The following TSPAN15 variants were observed in gnomAD, a reference collection of about 807,000 sequenced individuals.
TSPAN15 encodes the protein tetraspanin 15, also known as tetraspanin-15.
In TSPAN15, 20 loss-of-function variants were observed where a neutral mutation model predicts 34.5. That is an observed-to-expected ratio of 0.58 (90% CI 0.41 to 0.84). The LOEUF is 0.84. TSPAN15 is among the 40% of genes least tolerant of loss of function. The probability of loss-of-function intolerance (pLI) is 0.00; values close to 1 mark genes in which losing one functional copy is unlikely to be tolerated. For synonymous variants in TSPAN15, 155 were observed against 153.9 expected (o/e 1.01, Z -0.05); for missense variants, 313 against 386.1 (o/e 0.81, Z 1.59).
At chr10:69,451,748 C>T (rs1840973407) in intron 1 of TSPAN15, 58 bp downstream of exon 1, 1 of 1,339,266 alleles carries the variant, frequency 7.5e-7, no homozygotes, top group Non-Finnish European at 9.8e-7. Context: ...CCGGCCGCCC[C>T]CTCACTGGCC....
intron 1 of TSPAN15, among the ~76,000 whole-genome samples, chr10:69,459,930 C>G (rs75077529): frequency 6.2e-5 from 9 of 144,200 alleles, no homozygotes; most frequent in East Asian, 4.1e-4. Flanking sequence ...ACCCCCCCCC[C>G]ACGAATGGAG....
At chr10:69,458,864 C>T (rs776611126) in intron 1 of TSPAN15, among the ~76,000 whole-genome samples, 12 of 152,244 alleles carry the variant, frequency 7.9e-5, no homozygotes, top group South Asian at 2.1e-4. Context: ...TGCTTTATGT[C>T]GTAGGACTGG....
intron 1 of TSPAN15, among the ~76,000 whole-genome samples, chr10:69,464,173 C>T (rs1041649369): frequency 1.1e-4 from 17 of 152,388 alleles, no homozygotes; most frequent in African/African-American, 4.1e-4. Context: ...CACCAGACAC[C>T]TTGGCCTCTG....
the TSPAN15 span, among the ~76,000 whole-genome samples, chr10:69,532,498 C>A: frequency 1.3e-5 from 2 of 152,168 alleles, no homozygotes; most frequent in Non-Finnish European, 2.9e-5. Context: ...TGAAACTCGA[C>A]CTTCATCTCT....
At chr10:69,542,051 A>C in the TSPAN15 span, among the ~76,000 whole-genome samples, 1 of 152,176 alleles carries the variant, frequency 6.6e-6, no homozygotes, top group African/African-American at 2.4e-5. Context: ...GCCAGGGTGC[A>C]AATTTTCTAA....
chr10:69,455,168 AG>A (rs1297808782), intron 1 of TSPAN15, among the ~76,000 whole-genome samples: 2 of 150,658 alleles, frequency 1.3e-5, no homozygotes, highest in Admixed American at 6.6e-5. Context: ...AAAAAAAAAA[AG>A]GAAAGGGTAG....
intron 3 of TSPAN15, among the ~76,000 whole-genome samples, chr10:69,486,833 T>C (rs1241345826): frequency 6.6e-6 from 1 of 152,246 alleles, no homozygotes; most frequent in Non-Finnish European, 1.5e-5. Context: ...GAGGTCTTCC[T>C]GTTTTATGAG....
chr10:69,504,696 T>C (rs543847316), intron 6 of TSPAN15, among the ~76,000 whole-genome samples: 1 of 152,294 alleles, frequency 6.6e-6, no homozygotes, highest in East Asian at 1.9e-4. Context: ...AGATGCCGCC[T>C]GTCAGGGTTT....
chr10:69,472,922 C>T (rs139381711), intron 1 of TSPAN15, among the ~76,000 whole-genome samples: 132 of 152,304 alleles, frequency 8.7e-4, no homozygotes, highest in African/African-American at 3.1e-3. Flanking sequence ...TTGCATAGTA[C>T]GTGCAGACTG....
chr10:69,465,346 C>T (rs1252215907), intron 1 of TSPAN15, among the ~76,000 whole-genome samples: 1 of 152,206 alleles, frequency 6.6e-6, no homozygotes, highest in Non-Finnish European at 1.5e-5. Context: ...GTGGGGCCTA[C>T]TTCTGGCCTG....
At chr10:69,542,953 T>C in the TSPAN15 span, among the ~76,000 whole-genome samples, 1 of 152,228 alleles carries the variant, frequency 6.6e-6, no homozygotes, top group African/African-American at 2.4e-5. Context: ...TTTGAGCAAG[T>C]ATTCAACCTC....
chr10:69,482,134 A>G (rs1316553488), intron 1 of TSPAN15, among the ~76,000 whole-genome samples: 1 of 152,104 alleles, frequency 6.6e-6, no homozygotes, highest in Non-Finnish European at 1.5e-5. Context: ...AAAGGAGAAA[A>G]TAAAAAAGAG....
the TSPAN15 span, chr10:69,523,573 C>T: frequency 3.7e-4 from 119 of 319,020 alleles, 6 homozygotes; most frequent in Admixed American, 7.0e-4. Context: ...GTCATGTACC[C>T]GATAGGAAGC....
At chr10:69,544,354 C>A in the TSPAN15 span, among the ~76,000 whole-genome samples, 3 of 152,158 alleles carry the variant, frequency 2.0e-5, no homozygotes, top group Non-Finnish European at 4.4e-5. Flanking sequence ...GTTGTTGAAC[C>A]TCAGGGAGCT....
the TSPAN15 span, among the ~76,000 whole-genome samples, chr10:69,543,844 A>AGTGTGTGTGTGTGTGTGTGT: frequency 6.4e-4 from 47 of 73,808 alleles, no homozygotes; most frequent in Admixed American, 1.9e-3. Context: ...GAAGAAGGGG[A>AGTGTGTGTGTGTGTGTGTGT]GTGTGTGTGT....
chr10:69,520,352 G>A, the TSPAN15 span, among the ~76,000 whole-genome samples: 5 of 152,288 alleles, frequency 3.3e-5, no homozygotes, highest in African/African-American at 7.2e-5. Context: ...TCAGAATTTT[G>A]TTACTTTTTA....
At chr10:69,478,719 A>G (rs1332292214) in intron 1 of TSPAN15, among the ~76,000 whole-genome samples, 2 of 152,238 alleles carry the variant, frequency 1.3e-5, no homozygotes, top group African/African-American at 4.8e-5. Context: ...AAAAGAAACC[A>G]GTTATAGTAG....
At chr10:69,539,496 GAA>G in the TSPAN15 span, among the ~76,000 whole-genome samples, 58 of 73,118 alleles carry the variant, frequency 7.9e-4, 1 homozygote, top group South Asian at 2.3e-3. Flanking sequence ...AGAAGAAGAA[GAA>G]GAAGAAGAAG....
At chr10:69,515,616 G>T in the TSPAN15 span, among the ~76,000 whole-genome samples, 1 of 152,200 alleles carries the variant, frequency 6.6e-6, no homozygotes, top group Non-Finnish European at 1.5e-5. Context: ...CCAAGCTCTT[G>T]CCTTGGCTGC....
Sources: allele counts gnomAD v4.1 joint callset (sites outside exome capture counted in the v4.1 genomes callset), GRCh38; gene constraint gnomAD v4.1.1; transcripts MANE v1.5; gene names NCBI Gene and HGNC (gene_info 2026-07-23, HGNC 2026-07-21).